The following CDH1 variants were observed in gnomAD, a reference collection of about 807,000 sequenced individuals.
CDH1 encodes cadherin-1.
CDH1 carries 35 observed loss-of-function variants against 84.5 expected under a neutral mutation model. The ratio of observed to expected loss-of-function variants is 0.41; its 90% confidence interval spans 0.32 to 0.55. CDH1 has a LOEUF of 0.55. CDH1 is among the 20% of genes least tolerant of loss of function. The pLI, the probability that CDH1 is intolerant of heterozygous loss-of-function variation, is 0.19. For missense variants in CDH1, 994 were observed against 1,126.6 expected, an observed-to-expected ratio of 0.88 and a Z score of 1.68; for synonymous variants, 417 against 439.0, an observed-to-expected ratio of 0.95 and a Z score of 0.63.
intron 1 of CDH1, 33 bp downstream of exon 1, chr16:68,737,496 A>G (rs988250564): frequency 6.7e-7 from 1 of 1,499,638 alleles, no homozygotes. Context: ...CGAGGGACGC[A>G]TTCGGGCCGC....
chr16:68,829,770 C>T lies in CDH1; in HGVS notation c.2412C>T (p.Pro804=), dbSNP rs202075199. The T allele has an allele frequency of 7.9e-5, 127 of 1,613,942 alleles. No homozygotes were observed. The highest frequency in any genetic ancestry group is 5.3e-4 in the Admixed American group (32 of 59,978). ...VPRYLPRPAN[P]DEIGNFIDEN... is the part of the protein sequence containing the mutation. ...GGTATCTTCCCCGCCCTGCCAATCC[C>T]GATGAAATTGGAAATTTTATTGATG... The change falls in exon 15 of 16, where the codon CCC becomes CCT. Residue 804 remains proline (P), a synonymous_variant. Coordinates refer to ENST00000261769, the MANE Select transcript of CDH1 (RefSeq NM_004360.5).
chr16:68,810,401 A>T (rs1476652941), intron 6 of CDH1, 60 bp downstream of exon 6: 2 of 1,530,152 alleles, frequency 1.3e-6, no homozygotes, highest in Non-Finnish European at 1.8e-6. Flanking sequence ...TTGGACCCCA[A>T]AGTGTTGTCC....
chr16:68,747,228 T>C (rs967179589), intron 2 of CDH1, among the ~76,000 whole-genome samples: 1 of 152,024 alleles, frequency 6.6e-6, no homozygotes, highest in Non-Finnish European at 1.5e-5. Context: ...GAAAGGGCAC[T>C]CCAGGAGGAG....
intron 2 of CDH1, among the ~76,000 whole-genome samples, chr16:68,760,766 T>G (rs1229392140): frequency 6.6e-6 from 1 of 152,098 alleles, no homozygotes; most frequent in East Asian, 1.9e-4. Flanking sequence ...GACAATGGGC[T>G]CATTTAGAAT....
At chr16:68,747,750 TTC>T (rs10638856) in intron 2 of CDH1, among the ~76,000 whole-genome samples, 4 of 150,828 alleles carry the variant, frequency 2.7e-5, no homozygotes, top group African/African-American at 7.3e-5. Context: ...TATCTGTATG[TTC>T]TCTCTCTCTC....
chr16:68,830,821 A>C (rs1225161017), intron 15 of CDH1, among the ~76,000 whole-genome samples: 1 of 152,152 alleles, frequency 6.6e-6, no homozygotes, highest in East Asian at 1.9e-4. Flanking sequence ...GAGTTGTCCA[A>C]CCAGTTATTG....
At chr16:68,758,147 T>C (rs4783672) in intron 2 of CDH1, among the ~76,000 whole-genome samples, 115,292 of 145,340 alleles carry the variant, frequency 0.79, 46,511 homozygotes, top group Non-Finnish European at 0.87. Context: ...AATTTTTTTG[T>C]GTCCCTCCCC....
At chr16:68,749,732 C>T (rs889405132) in intron 2 of CDH1, among the ~76,000 whole-genome samples, 1 of 152,334 alleles carries the variant, frequency 6.6e-6, no homozygotes, top group African/African-American at 2.4e-5. Flanking sequence ...GATGGCAGTG[C>T]TGGGGCTGCA....
At chr16:68,808,625 G>A (rs1960733554) in intron 4 of CDH1, 58 bp downstream of exon 4, 1 of 1,613,494 alleles carries the variant, frequency 6.2e-7, no homozygotes, top group East Asian at 2.2e-5. Context: ...GTACCAAGGA[G>A]AGAAAGGGAA....
At chr16:68,821,202 G>A (rs2113203) in intron 11 of CDH1, among the ~76,000 whole-genome samples, 29,252 of 151,854 alleles carry the variant, frequency 0.19, 3,212 homozygotes, top group African/African-American at 0.32. Flanking sequence ...GCTGGGCGCA[G>A]TGGCTCACGC....
At position 68,823,422 on chromosome 16, in the gene CDH1, C is replaced by T. The variant is rs2152139271; in HGVS notation, c.1960C>T (p.Pro654Ser). The T allele has an allele frequency of 6.2e-7, 1 of 1,613,288 alleles. No individual in the cohort carries two copies. Among genetic ancestry groups the T allele is most frequent in the South Asian group, 1.1e-5 (1 of 91,054 alleles). The stretch of plus-strand genomic sequence containing the variant: ...AGCCCAAGAATCTATCATTTTGAAG[C>T]CAAAGATGGCCTTAGAGGTGGGTGA... ...DPTQESIILK[P>S]KMALEVGDYK... Residue 654 changes from proline to serine, a missense_variant, in exon 13 of 16, where the codon CCA becomes TCA. This residue lies in a region of CDH1 where 769 missense variants were observed against 881.8 expected (regional missense o/e 0.87). Transcript: ENST00000261769.
chr16:68,813,415 A>G lies in CDH1; in HGVS notation c.1240A>G (p.Thr414Ala), dbSNP rs863224723. The G allele has an allele frequency of 6.2e-7, 1 of 1,614,148 alleles. No individual in the cohort carries two copies. The highest frequency in any genetic ancestry group is 8.5e-7 in the Non-Finnish European group (1 of 1,180,014). Residue 414 changes from threonine (T) to alanine (A), a missense_variant, in exon 9 of 16, where the codon ACC becomes GCC. Physicochemically the swap from Thr to Ala is moderately conservative, Grantham distance 58 (BLOSUM62 0). Around this residue, in one of 3 missense-constraint regions of CDH1, gnomAD observed 769 missense variants for 881.8 expected, o/e 0.87. Coordinates refer to ENST00000261769, the MANE Select transcript of CDH1 (RefSeq NM_004360.5). ...TACCCCAGCGTGGGAGGCTGTATAC[A>G]CCATATTGAATGATGATGGTGGACA... Reference protein sequence around the residue: ...PNTPAWEAVYTILNDDGGQFV... With the variant: ...PNTPAWEAVYAILNDDGGQFV...
chr16:68,753,001 T>C (rs1421733206), intron 2 of CDH1, among the ~76,000 whole-genome samples: 1 of 152,042 alleles, frequency 6.6e-6, no homozygotes, highest in Non-Finnish European at 1.5e-5. Flanking sequence ...TTTTTGGCAG[T>C]GCAGAGGAGC....
Position 68,833,697 on chromosome 16 carries a change from A to T in CDH1, c.*198A>T. 2 of 580,542 alleles carry T rather than the reference A, an allele frequency of 3.4e-6. No individual in the cohort carries two copies. The allele number at this position is 580,542 out of a possible 1,614,324, so 36.0% of individuals were successfully genotyped here. A position where few individuals can be genotyped will look rare whatever the true frequency, so the allele number is the denominator to read the frequency against. ...GTTTGTGTTAGAAAAGTTTCGACTTATTTCTTAAAGCTTTTTTTTTTTTCC... is the reference window on the plus strand; with the variant it reads ...GTTTGTGTTAGAAAAGTTTCGACTTTTTTCTTAAAGCTTTTTTTTTTTTCC... On this transcript the variant is annotated 3_prime_UTR_variant, in exon 16 of 16. Coordinates refer to ENST00000261769, the MANE Select transcript of CDH1 (RefSeq NM_004360.5).
intron 10 of CDH1, among the ~76,000 whole-genome samples, chr16:68,817,271 A>C (rs555027372): frequency 8.5e-5 from 13 of 152,240 alleles, no homozygotes; most frequent in Non-Finnish European, 1.6e-4. Flanking sequence ...TCAACAGGGC[A>C]ACCTGCATCT....
intron 6 of CDH1, 70 bp from the exon 7 acceptor site, chr16:68,811,614 G>T (rs1224633060): frequency 7.4e-7 from 1 of 1,356,650 alleles, no homozygotes; most frequent in Non-Finnish European, 1.1e-6. Context: ...GGGCAGAATT[G>T]GATTAAGCAG....
intron 3 of CDH1, among the ~76,000 whole-genome samples, chr16:68,808,103 G>C (rs1333872117): frequency 1.3e-5 from 2 of 152,148 alleles, no homozygotes; most frequent in African/African-American, 2.4e-5. Context: ...ATGTAGGCTT[G>C]AAACAGCTTG....
chr16:68,762,981 C>T (rs1959270010), intron 2 of CDH1, among the ~76,000 whole-genome samples: 1 of 148,304 alleles, frequency 6.7e-6, no homozygotes, highest in Non-Finnish European at 1.5e-5. Flanking sequence ...TCTCTCTGGC[C>T]ATCTTTTTAA....
intron 2 of CDH1, among the ~76,000 whole-genome samples, chr16:68,741,979 A>G (rs1252041228): frequency 6.6e-6 from 1 of 151,838 alleles, no homozygotes; most frequent in Admixed American, 6.6e-5. Context: ...CTAATAACCC[A>G]GTCCTTTAGA....
Sources: allele counts gnomAD v4.1 joint callset (sites outside exome capture counted in the v4.1 genomes callset), GRCh38; gene constraint gnomAD v4.1.1; regional missense constraint gnomAD v4.1.1; transcripts MANE v1.5; gene names NCBI Gene and HGNC (gene_info 2026-07-23, HGNC 2026-07-21).